The following ACVR1 variants were observed in gnomAD, a reference collection of about 807,000 sequenced individuals.
ACVR1 encodes the protein activin receptor type-1.
In ACVR1, 38 loss-of-function variants were observed where a neutral mutation model predicts 57.1. The observed-to-expected ratio is 0.67, with a 90% confidence interval of 0.51 to 0.87. The LOEUF is 0.87. Among genes scored for constraint, ACVR1 ranks in the 40% least tolerant of loss-of-function variants. The probability of loss-of-function intolerance (pLI) is 0.00; values close to 1 mark genes in which losing one functional copy is unlikely to be tolerated. For missense variants in ACVR1, 463 were observed against 638.2 expected (o/e 0.73, Z 2.96); for synonymous variants, 212 against 228.1 (o/e 0.93, Z 0.63).
chr2:157,801,077 G>A (rs940046471), intron 2 of ACVR1, among the ~76,000 whole-genome samples: 1 of 152,110 alleles, frequency 6.6e-6, no homozygotes, highest in African/African-American at 2.4e-5. Context: ...CACATCCAAG[G>A]ACCAAGCAAG....
intron 1 of ACVR1, among the ~76,000 whole-genome samples, chr2:157,864,053 G>A (rs557331406): frequency 2.6e-5 from 4 of 150,970 alleles, no homozygotes; most frequent in African/African-American, 9.8e-5. Context: ...ATAGAGACGG[G>A]GTTTCACACC....
intron 3 of ACVR1, among the ~76,000 whole-genome samples, chr2:157,784,918 C>T (rs1462762034): frequency 1.3e-5 from 2 of 152,224 alleles, no homozygotes; most frequent in African/African-American, 4.8e-5. Flanking sequence ...TCTTGTACTT[C>T]ATGGTAAAAG....
intron 1 of ACVR1, among the ~76,000 whole-genome samples, chr2:157,841,841 G>A (rs1286742939): frequency 6.6e-6 from 1 of 152,054 alleles, no homozygotes; most frequent in East Asian, 1.9e-4. Context: ...GGCTAACACA[G>A]TGAAACCCCA....
intron 2 of ACVR1, among the ~76,000 whole-genome samples, chr2:157,811,309 G>A (rs150434524): frequency 1.3e-5 from 2 of 152,060 alleles, no homozygotes; most frequent in Admixed American, 1.3e-4. Flanking sequence ...AACCACTGTA[G>A]GCCACCAGGC....
chr2:157,823,844 G>A (rs1688239101), intron 1 of ACVR1, among the ~76,000 whole-genome samples: 1 of 152,108 alleles, frequency 6.6e-6, no homozygotes, highest in Admixed American at 6.6e-5. Context: ...ATAAAGTAAG[G>A]GAATCAAGGA....
chr2:157,808,677 T>A (rs1366937301), intron 2 of ACVR1, among the ~76,000 whole-genome samples: 1 of 152,150 alleles, frequency 6.6e-6, no homozygotes, highest in Non-Finnish European at 1.5e-5. Flanking sequence ...GTCTGTCTCT[T>A]GAATATACAT....
At chr2:157,825,949 A>G (rs1688332211) in intron 1 of ACVR1, among the ~76,000 whole-genome samples, 1 of 152,196 alleles carries the variant, frequency 6.6e-6, no homozygotes, top group Non-Finnish European at 1.5e-5. Flanking sequence ...TGTTTGGCTC[A>G]GCTTTCACGT....
intron 8 of ACVR1, among the ~76,000 whole-genome samples, chr2:157,763,776 T>A (rs1283268314): frequency 1.3e-5 from 2 of 152,200 alleles, no homozygotes; most frequent in Non-Finnish European, 2.9e-5. Context: ...TAATACATGA[T>A]CCTTAATTGC....
chr2:157,871,714 A>T (rs1016320880), intron 1 of ACVR1, among the ~76,000 whole-genome samples: 1 of 152,046 alleles, frequency 6.6e-6, no homozygotes, highest in African/African-American at 2.4e-5. Context: ...AAACAATCTC[A>T]CATTTCCAGA....
intron 1 of ACVR1, among the ~76,000 whole-genome samples, chr2:157,854,199 TAAA>T (rs398060692): frequency 1.5e-4 from 18 of 118,454 alleles, no homozygotes; most frequent in Admixed American, 1.8e-4. Context: ...CCTAAAGGAG[TAAA>T]AAAAAAAAAA....
At chr2:157,855,146 T>C (rs1290305456) in intron 1 of ACVR1, among the ~76,000 whole-genome samples, 1 of 151,258 alleles carries the variant, frequency 6.6e-6, no homozygotes, top group Non-Finnish European at 1.5e-5. Context: ...CCAGGCACAG[T>C]GGCTGACGCC....
chr2:157,815,628 T>C (rs756988666), intron 2 of ACVR1, among the ~76,000 whole-genome samples: 1 of 152,134 alleles, frequency 6.6e-6, no homozygotes, highest in Non-Finnish European at 1.5e-5. Flanking sequence ...CAAAATAAAG[T>C]CTGTCTCCTA....
intron 1 of ACVR1, among the ~76,000 whole-genome samples, chr2:157,872,848 C>T (rs1452231123): frequency 6.6e-6 from 1 of 152,128 alleles, no homozygotes; most frequent in African/African-American, 2.4e-5. Context: ...GAACCCATCA[C>T]CCAATCCAAA....
intron 2 of ACVR1, among the ~76,000 whole-genome samples, chr2:157,816,418 CA>C (rs1392602642): frequency 1.7e-4 from 20 of 118,622 alleles, no homozygotes; most frequent in South Asian, 5.4e-4. Flanking sequence ...ACTCTGTCTC[CA>C]AAAAAAAAAA....
rs554411906 is a variant in ACVR1 at position 157,859,905 on chromosome 2, A to C, written c.-183+15891T>G. The stretch of plus-strand genomic sequence containing the variant: ...TATTATAGATTATACTTAAGAAATA[A>C]ATTCTTAAGTAGCATCTCAAGACTA... On this transcript the variant is annotated intron_variant, in intron 1 of 10. Coordinates refer to ENST00000434821, the MANE Select transcript of ACVR1 (RefSeq NM_001111067.4). The C allele has an allele frequency of 2.6e-5, 4 of 152,246 alleles. No individual in the cohort carries two copies. In the East Asian group the frequency reaches 7.7e-4, roughly 29 times the overall value. The allele number at this position is 152,246 out of a possible 1,614,324, so 9.4% of individuals were successfully genotyped here.
chr2:157,775,100 G>GCGCAGGCAGC (rs1686230641), intron 5 of ACVR1, among the ~76,000 whole-genome samples: 1 of 152,204 alleles, frequency 6.6e-6, no homozygotes, highest in Non-Finnish European at 1.5e-5. Context: ...AAATTGGTAA[G>GCGCAGGCAGC]CGCAGGCAGC....
chr2:157,787,874 A>G (rs938636730), intron 3 of ACVR1, among the ~76,000 whole-genome samples: 1 of 152,072 alleles, frequency 6.6e-6, no homozygotes, highest in Non-Finnish European at 1.5e-5. Flanking sequence ...CTCCACTTCA[A>G]TTTCTCTTCT....
chr2:157,797,861 C>T (rs769288534), intron 3 of ACVR1, among the ~76,000 whole-genome samples: 39 of 152,052 alleles, frequency 2.6e-4, no homozygotes, highest in Non-Finnish European at 3.4e-4. Context: ...AGGGCAGACC[C>T]CTCAGGATTG....
In ACVR1 at chr2:157,737,375, C is replaced by T. The variant is rs1684573108; in HGVS notation, c.*156G>A. On this transcript the variant is annotated 3_prime_UTR_variant, in exon 11 of 11. Coordinates refer to ENST00000434821, the MANE Select transcript of ACVR1 (RefSeq NM_001111067.4). ...AGGTTAGGGTGGTTTTGATGTCTCC[C>T]CAACACATGGCTGGGTACGACGTCT... 1 of 992,856 alleles carries T rather than the reference C, an allele frequency of 1.0e-6. No individual in the cohort carries two copies. Among genetic ancestry groups the T allele is most frequent in the South Asian group, 1.4e-5 (1 of 71,648 alleles). The allele number at this position is 992,856 out of a possible 1,614,324, so 61.5% of individuals were successfully genotyped here.
Sources: allele counts gnomAD v4.1 joint callset (sites outside exome capture counted in the v4.1 genomes callset), GRCh38; gene constraint gnomAD v4.1.1; transcripts MANE v1.5; gene names NCBI Gene and HGNC (gene_info 2026-07-23, HGNC 2026-07-21).